The following DNAJC7 variants were observed in gnomAD, a reference collection of about 807,000 sequenced individuals.
DNAJC7 encodes the protein DnaJ heat shock protein family (Hsp40) member C7, also known as dnaJ homolog subfamily C member 7.
Under a neutral mutation model 67.4 loss-of-function variants are expected in DNAJC7, and 18 were observed. The ratio of observed to expected loss-of-function variants is 0.27; its 90% confidence interval spans 0.18 to 0.40. The LOEUF is 0.40. Ranked by LOEUF, DNAJC7 falls within the 10% of genes least tolerant of loss-of-function variation. The pLI, the probability that DNAJC7 is intolerant of heterozygous loss-of-function variation, is 1.00. For missense variants in DNAJC7, 419 were observed against 613.8 expected (o/e 0.68, Z 3.35); for synonymous variants, 220 against 207.8 (o/e 1.06, Z -0.50).
At chr17:42,007,229 G>A (rs927684861) in intron 1 of DNAJC7, among the ~76,000 whole-genome samples, 3 of 151,430 alleles carry the variant, frequency 2.0e-5, no homozygotes, top group South Asian at 2.1e-4. Context: ...CCCAAATGTC[G>A]CCTTACTCTA....
intron 2 of DNAJC7, among the ~76,000 whole-genome samples, chr17:41,999,654 G>A (rs555371362): frequency 1.3e-5 from 2 of 152,214 alleles, no homozygotes; most frequent in East Asian, 3.9e-4. Flanking sequence ...CCTAGTAGCT[G>A]GGATTACAGG....
At chr17:41,976,802 T>C (rs1555644909) in intron 13 of DNAJC7, 32 bp from the exon 14 acceptor site, 1 of 1,601,040 alleles carries the variant, frequency 6.2e-7, no homozygotes, top group East Asian at 2.2e-5. Flanking sequence ...GGTAGTTGGC[T>C]ATGGATTTTC....
chr17:41,981,750 G>A, intron 12 of DNAJC7, 105 bp downstream of exon 12: 1 of 1,448,038 alleles, frequency 6.9e-7, no homozygotes, highest in South Asian at 1.3e-5. Context: ...TTTGGACCAG[G>A]GATCAGATTT....
At position 41,976,559 on chromosome 17, in the gene DNAJC7, G is replaced by C; in HGVS notation, c.*174C>G. On this transcript the variant is annotated 3_prime_UTR_variant, in exon 14 of 14. Coordinates refer to ENST00000457167, the MANE Select transcript of DNAJC7 (RefSeq NM_003315.4). The stretch of plus-strand genomic sequence containing the variant: ...CCTCCCTCCCCTGCCCTCGGTCTTC[G>C]GCATTGGTTCCCTTTGCTCCACCCC... 1 of 731,670 alleles carries C rather than the reference G, an allele frequency of 1.4e-6. No homozygotes were observed. The highest frequency in any genetic ancestry group is 2.1e-6 in the Non-Finnish European group (1 of 472,070). 45.3% of individuals were successfully genotyped at this position (731,670 alleles called of 1,614,324 possible). A position where few individuals can be genotyped will look rare whatever the true frequency, so the allele number is the denominator to read the frequency against.
At chr17:41,995,119 C>T (rs187832196) in intron 4 of DNAJC7, 175 bp from the exon 5 acceptor site, 18 of 674,462 alleles carry the variant, frequency 2.7e-5, no homozygotes, top group African/African-American at 1.4e-4. Flanking sequence ...TTTTATGATC[C>T]AGTTCTAGGG....
intron 1 of DNAJC7, among the ~76,000 whole-genome samples, chr17:42,011,982 A>T (rs1258005121): frequency 6.6e-6 from 1 of 152,254 alleles, no homozygotes; most frequent in Non-Finnish European, 1.5e-5. Flanking sequence ...AATCGCAAAG[A>T]GTGTACAATA....
intron 9 of DNAJC7, among the ~76,000 whole-genome samples, chr17:41,986,530 CTTTTTTTTTT>C (rs74268062): frequency 7.8e-6 from 1 of 128,704 alleles, no homozygotes; most frequent in Non-Finnish European, 1.7e-5. Context: ...CTCCCCCCGC[CTTTTTTTTTT>C]TTTTTTTTTG....
intron 8 of DNAJC7, 93 bp downstream of exon 8, chr17:41,988,639 T>C: frequency 7.2e-7 from 1 of 1,395,312 alleles, no homozygotes; most frequent in Non-Finnish European, 9.5e-7. Context: ...CCCTCTTTCA[T>C]CTTGCTTACC....
At chr17:42,002,401 T>C (rs77681389) in intron 1 of DNAJC7, among the ~76,000 whole-genome samples, 16,669 of 152,194 alleles carry the variant, frequency 0.11, 1,037 homozygotes, top group African/African-American at 0.15. Context: ...AGTGAAATAA[T>C]GTACAGGGCT....
intron 1 of DNAJC7, among the ~76,000 whole-genome samples, chr17:42,007,425 T>A (rs901848579): frequency 6.6e-6 from 1 of 152,120 alleles, no homozygotes; most frequent in South Asian, 2.1e-4. Context: ...CATGTTGCAC[T>A]CTCCCTGACC....
intron 1 of DNAJC7, 169 bp downstream of exon 1, chr17:42,017,171 C>A: frequency 6.6e-7 from 1 of 1,525,810 alleles, no homozygotes; most frequent in South Asian, 1.2e-5. Flanking sequence ...AGGCCGACCC[C>A]CAAGAGCGCC....
At chr17:42,014,592 T>C (rs1555651574) in intron 1 of DNAJC7, 6 of 151,888 alleles carry the variant, frequency 4.0e-5, no homozygotes, top group African/African-American at 1.5e-4. Flanking sequence ...CTTTTTTTAA[T>C]TGATTTTTTT....
intron 3 of DNAJC7, among the ~76,000 whole-genome samples, chr17:41,996,717 G>A (rs980925761): frequency 1.3e-5 from 2 of 152,154 alleles, no homozygotes; most frequent in Non-Finnish European, 2.9e-5. Context: ...TGAGGCAGGA[G>A]AATTGCCTGA....
In DNAJC7 at chr17:41,990,222, TG is replaced by T. The variant is rs145343720; in HGVS notation, c.599+41del. On this transcript the variant is annotated intron_variant, in intron 6 of 13. Transcript: ENST00000457167. ...AAGCTGCCGGACACCATCAGTCCAA[TG>T]GTATCTGGCATTTTAATGTCCAGCT... 0.076 allele frequency: 116,933 copies of T among 1,546,384 alleles called. 5,452 individuals are homozygous for T. The highest frequency in any genetic ancestry group is 0.2 in the African/African-American group (14,775 of 73,342).
At chr17:42,009,198 A>AC (rs879952878) in intron 1 of DNAJC7, among the ~76,000 whole-genome samples, 2 of 152,212 alleles carry the variant, frequency 1.3e-5, no homozygotes, top group Non-Finnish European at 2.9e-5. Context: ...AAATGGAACA[A>AC]CCCTCCACAC....
At chr17:41,996,050 T>C (rs2051649419) in intron 4 of DNAJC7, among the ~76,000 whole-genome samples, 1 of 152,194 alleles carries the variant, frequency 6.6e-6, no homozygotes, top group Non-Finnish European at 1.5e-5. Flanking sequence ...CTCAAATCAG[T>C]CCCTGGAAGC....
At chr17:42,009,550 T>C (rs560132971) in intron 1 of DNAJC7, among the ~76,000 whole-genome samples, 1 of 152,132 alleles carries the variant, frequency 6.6e-6, no homozygotes, top group African/African-American at 2.4e-5. Flanking sequence ...CAACGGTGAG[T>C]TGGAAATTTA....
chr17:42,008,395 GAT>G (rs1226531409), intron 1 of DNAJC7, among the ~76,000 whole-genome samples: 3 of 136,864 alleles, frequency 2.2e-5, no homozygotes, highest in Admixed American at 8.0e-5. Context: ...CACAGGTATA[GAT>G]ATATATATAT....
At position 41,977,318 on chromosome 17, in the gene DNAJC7, C is replaced by A; in HGVS notation, c.1390G>T (p.Asp464Tyr). The A allele has an allele frequency of 6.3e-7, 1 of 1,579,182 alleles. No individual in the cohort carries two copies. The highest frequency in any genetic ancestry group is 1.2e-5 in the South Asian group (1 of 85,880). ...DEEGMNMGDFDPNNIFKAFFG... is the reference protein window; with the variant it reads ...DEEGMNMGDFYPNNIFKAFFG... ...AATGCCTTGAAGATATTGTTTGGAT[C>A]AAAATCTGTAGAGCAGGGCAAGTAA... Residue 464 changes from aspartate (D) to tyrosine (Y), a missense_variant, in exon 13 of 14, where the codon GAT becomes TAT. By Grantham distance (160) the Asp-to-Tyr change is radical. Around this residue, in one of 4 missense-constraint regions of DNAJC7, gnomAD observed 161 missense variants for 252.2 expected, o/e 0.64. Coordinates refer to ENST00000457167, the MANE Select transcript of DNAJC7 (RefSeq NM_003315.4).
Sources: gnomAD v4.1 joint callset for allele counts (sites outside exome capture counted in the v4.1 genomes callset) on GRCh38, gnomAD v4.1.1 for gene constraint, gnomAD v4.1.1 regional missense constraint, MANE v1.5 for transcripts, NCBI Gene and HGNC (gene_info 2026-07-23, HGNC 2026-07-21) for gene names.